Variants in SLC13A2 observed in about 807,000 individuals in gnomAD.
SLC13A2 encodes the protein solute carrier family 13 member 2, also known as Na(+)-coupled citrate transporter.
SLC13A2 carries 40 observed loss-of-function variants against 58.5 expected under a neutral mutation model. That is an observed-to-expected ratio of 0.68 (90% CI 0.53 to 0.89). The LOEUF is 0.89. Among genes scored for constraint, SLC13A2 ranks in the 40% least tolerant of loss-of-function variants. SLC13A2 has a pLI of 0.00. For synonymous variants in SLC13A2, 341 were observed against 331.6 expected (o/e 1.03, Z -0.31); for missense variants, 694 against 772.6 (o/e 0.90, Z 1.21).
intron 1 of SLC13A2, among the ~76,000 whole-genome samples, chr17:28,477,242 G>A (rs1489136013): frequency 7.1e-6 from 1 of 140,464 alleles, no homozygotes; most frequent in East Asian, 2.2e-4. Flanking sequence ...CACCCAGGCT[G>A]GAGTGCAGTG....
chr17:28,488,062 G>A (rs1206246573), intron 1 of SLC13A2, among the ~76,000 whole-genome samples: 5 of 152,114 alleles, frequency 3.3e-5, no homozygotes, highest in African/African-American at 4.8e-5. Context: ...TCTATAAGGT[G>A]GGACCCCCAC....
chr17:28,484,995 CT>C (rs1214953387), intron 1 of SLC13A2, among the ~76,000 whole-genome samples: 15 of 152,088 alleles, frequency 9.9e-5, no homozygotes, highest in Non-Finnish European at 2.2e-4. Flanking sequence ...AGGCCAGCAC[CT>C]GAAAAAGAGA....
intron 1 of SLC13A2, among the ~76,000 whole-genome samples, chr17:28,478,865 G>A (rs938973402): frequency 6.6e-6 from 1 of 152,152 alleles, no homozygotes; most frequent in Non-Finnish European, 1.5e-5. Context: ...GGGAGGAGTG[G>A]GGAGACATAC....
chr17:28,496,050 G>T lies in SLC13A2; in HGVS notation c.1470+234G>T, dbSNP rs1334936952. Among the ~76,000 whole-genome samples the T allele has an allele frequency of 6.6e-6, 1 of 151,998 alleles. No individual in the cohort carries two copies. Among genetic ancestry groups the T allele is most frequent in the African/African-American group, 2.4e-5 (1 of 41,354 alleles). On this transcript the variant is annotated intron_variant, in intron 10 of 11. Transcript: ENST00000314669. This position sits in a 1 kb window ranked among gnomAD's most constrained non-coding sequence, Gnocchi z 4.2. ...GTCACCCCTGGAGTATCCTGATGGG[G>T]ATCCTGGTGGCCTCACCCACCTCCC...
At chr17:28,483,140 G>A (rs2068815390) in intron 1 of SLC13A2, among the ~76,000 whole-genome samples, 1 of 152,200 alleles carries the variant, frequency 6.6e-6, no homozygotes, top group Non-Finnish European at 1.5e-5. Context: ...GCTGTACTGT[G>A]CCAGTGACAG....
chr17:28,497,212 C>G lies in SLC13A2; in HGVS notation c.1722C>G (p.Ser574=). Residue 574 remains serine, a synonymous_variant, in exon 12 of 12, where the codon TCC becomes TCG. Coordinates refer to ENST00000314669, the MANE Select transcript of SLC13A2 (RefSeq NM_003984.4). ...ACTCTTTCCCCTCCTGGGCACAGTC[C>G]AACACCACAGCCCAGTGCCTGCCAA... is the stretch of plus-strand genomic sequence containing the variant. ...SLHSFPSWAQ[S]NTTAQCLPSL... is the part of the protein sequence containing the mutation. 6.2e-7 allele frequency: 1 copy of G among 1,614,142 alleles called. No homozygotes were observed. Among genetic ancestry groups the G allele is most frequent in the South Asian group, 1.1e-5 (1 of 91,084 alleles).
intron 1 of SLC13A2, among the ~76,000 whole-genome samples, chr17:28,481,358 G>A (rs1247800943): frequency 6.6e-6 from 1 of 152,180 alleles, no homozygotes; most frequent in African/African-American, 2.4e-5. Context: ...AATCAATGAA[G>A]GACACTTGAA....
intron 1 of SLC13A2, among the ~76,000 whole-genome samples, chr17:28,474,177 G>T (rs1228978752): frequency 6.6e-6 from 1 of 152,190 alleles, no homozygotes. Flanking sequence ...GGCTGGCTGT[G>T]GGGAGGGGAC....
intron 1 of SLC13A2, 124 bp downstream of exon 1, chr17:28,473,938 C>A: frequency 1.3e-6 from 1 of 762,682 alleles, no homozygotes; most frequent in African/African-American, 1.7e-5. Context: ...GGAAGTGAGG[C>A]TATCGCCCCC....
Position 28,493,720 on chromosome 17 carries a change from G to T in SLC13A2, c.1028G>T (p.Trp343Leu). The change falls in exon 7 of 12, where the codon TGG (tryptophan) becomes TTG (leucine). Residue 343 changes from tryptophan (W) to leucine (L), a missense_variant. Trp to Leu is a moderately conservative substitution (Grantham distance 61, BLOSUM62 -2). Transcript: ENST00000314669. ...CTATTCGTCATCCTGGTGCTGCTCTGGTTCACCCGGGAGCCGGGCTTTTTT... is the reference window on the plus strand; with the variant it reads ...CTATTCGTCATCCTGGTGCTGCTCTTGTTCACCCGGGAGCCGGGCTTTTTT... ...SILFVILVLL[W>L]FTREPGFFLG... 6.2e-7 allele frequency: 1 copy of T among 1,614,230 alleles called. No homozygotes were observed. The highest frequency in any genetic ancestry group is 8.5e-7 in the Non-Finnish European group (1 of 1,180,044).
At chr17:28,484,555 T>C (rs1260976386) in intron 1 of SLC13A2, among the ~76,000 whole-genome samples, 1 of 152,090 alleles carries the variant, frequency 6.6e-6, no homozygotes, top group Non-Finnish European at 1.5e-5. Context: ...ACTGAAGAGA[T>C]GTGAGCTGTT....
chr17:28,485,327 A>G (rs1555601794), intron 1 of SLC13A2, among the ~76,000 whole-genome samples: 1 of 152,198 alleles, frequency 6.6e-6, no homozygotes, highest in Non-Finnish European at 1.5e-5. Flanking sequence ...GCCAGTGGCC[A>G]GCGTGTAAAC....
In SLC13A2 at chr17:28,489,609, GC is replaced by G. The variant is rs1357741007; in HGVS notation, c.231+269del. ...GAAGGCCTAGTGACACAGAAAAGGG[GC>G]CTTGAGGGCCAGCTAACACACTCAT... On this transcript the variant is annotated intron_variant, in intron 2 of 11. Transcript: ENST00000314669. 8.5e-5 allele frequency among the ~76,000 whole-genome samples: 13 copies of G among 152,332 alleles called. No homozygotes were observed. In the South Asian group the frequency reaches 2.5e-3, roughly 29 times the overall value.
In SLC13A2 at chr17:28,480,792, G is replaced by C. The variant is rs1333402189; in HGVS notation, c.102+6978G>C. Among the ~76,000 whole-genome samples, 4 of 152,162 alleles carry C rather than the reference G, an allele frequency of 2.6e-5. No homozygotes were observed. The South Asian group carries it at 6.2e-4, about 24-fold the overall frequency. On this transcript the variant is annotated intron_variant, in intron 1 of 11. Transcript: ENST00000314669. Reference sequence around the variant, plus strand: ...GTGGATACCTCACTTCTTCTCCATTGCTCTGTTCAAATGGGCTCTTGTGCT... The same window carrying C: ...GTGGATACCTCACTTCTTCTCCATTCCTCTGTTCAAATGGGCTCTTGTGCT...
At position 28,494,210 on chromosome 17, in the gene SLC13A2, A is replaced by G; in HGVS notation, c.1186+105A>G. ...TGGCAGGAGTAGGCAAAGCCCAGAA[A>G]GGCTGGAGCGACTTGCCAAGGGCAC... On this transcript the variant is annotated intron_variant, in intron 8 of 11. Coordinates refer to ENST00000314669, the MANE Select transcript of SLC13A2 (RefSeq NM_003984.4). The surrounding 1 kb of genome is among the most constrained non-coding windows in gnomAD (Gnocchi z 4.0). 6.8e-7 allele frequency: 1 copy of G among 1,478,936 alleles called. No individual in the cohort carries two copies. The highest frequency in any genetic ancestry group is 9.4e-7 in the Non-Finnish European group (1 of 1,066,134). 91.6% of individuals were successfully genotyped at this position (1,478,936 alleles called of 1,614,324 possible).
intron 1 of SLC13A2, among the ~76,000 whole-genome samples, chr17:28,478,569 A>C (rs1280033051): frequency 6.6e-6 from 1 of 152,182 alleles, no homozygotes; most frequent in Non-Finnish European, 1.5e-5. Flanking sequence ...CAGAGGCATC[A>C]GCAGAACAGG....
chr17:28,474,277 C>T (rs1268869949), intron 1 of SLC13A2, among the ~76,000 whole-genome samples: 1 of 151,756 alleles, frequency 6.6e-6, no homozygotes, highest in Non-Finnish European at 1.5e-5. Context: ...AGAGCATAAA[C>T]AGGAAGAGAA....
rs144413589 is a variant in SLC13A2 at position 28,480,149 on chromosome 17, G to T, written c.102+6335G>T. 7.5e-3 allele frequency among the ~76,000 whole-genome samples: 1,051 copies of T among 140,166 alleles called. 10 individuals are homozygous for T. Among genetic ancestry groups the T allele is most frequent in the African/African-American group, 0.026 (985 of 38,332 alleles). 92.0% of individuals were successfully genotyped at this position (140,166 alleles called of 152,430 possible). ...AGCCTGGGCAGCAGAGTGAGACTCTGTCTCAAAAAAAAAAAAAAGGGGGGG... is the reference window on the plus strand; with the variant it reads ...AGCCTGGGCAGCAGAGTGAGACTCTTTCTCAAAAAAAAAAAAAAGGGGGGG... On this transcript the variant is annotated intron_variant, in intron 1 of 11. Coordinates refer to ENST00000314669, the MANE Select transcript of SLC13A2 (RefSeq NM_003984.4).
Position 28,494,197 on chromosome 17 carries a change from G to A in SLC13A2, c.1186+92G>A, listed in dbSNP as rs2069093134. On this transcript the variant is annotated intron_variant, in intron 8 of 11. Coordinates refer to ENST00000314669, the MANE Select transcript of SLC13A2 (RefSeq NM_003984.4). The surrounding 1 kb of genome is among the most constrained non-coding windows in gnomAD (Gnocchi z 4.0). ...CTTCCACCACACTTGGCAGGAGTAG[G>A]CAAAGCCCAGAAAGGCTGGAGCGAC... 1 of 1,482,412 alleles carries A rather than the reference G, an allele frequency of 6.7e-7. No homozygotes were observed. The highest frequency in any genetic ancestry group is 1.8e-5 in the Admixed American group (1 of 56,882). 91.8% of individuals were successfully genotyped at this position (1,482,412 alleles called of 1,614,324 possible).
Sources: gnomAD v4.1 joint callset for allele counts (sites outside exome capture counted in the v4.1 genomes callset) on GRCh38, gnomAD v4.1.1 for gene constraint, Gnocchi (gnomAD v3.1) non-coding constraint, MANE v1.5 for transcripts, NCBI Gene and HGNC (gene_info 2026-07-23, HGNC 2026-07-21) for gene names.